Variants in SH3PXD2B observed in about 807,000 individuals in gnomAD.
SH3PXD2B encodes SH3 and PX domains 2B.
SH3PXD2B carries 37 observed loss-of-function variants against 73.1 expected under a neutral mutation model. The ratio of observed to expected loss-of-function variants is 0.51; its 90% CI spans 0.39 to 0.67. SH3PXD2B has a LOEUF of 0.67. SH3PXD2B is among the 30% of genes least tolerant of loss of function. The probability of loss-of-function intolerance (pLI) is 0.00; values close to 1 mark genes in which losing one functional copy is unlikely to be tolerated. For missense variants in SH3PXD2B, 1,053 were observed against 1,197.8 expected, an observed-to-expected ratio of 0.88 and a Z score of 1.78; for synonymous variants, 457 against 480.5, an observed-to-expected ratio of 0.95 and a Z score of 0.64.
chr5:172,327,789 C>G (rs931328111), intron 12 of SH3PXD2B, among the ~76,000 whole-genome samples: 1 of 146,890 alleles, frequency 6.8e-6, no homozygotes, highest in Admixed American at 6.8e-5. Flanking sequence ...GAGTCTTACT[C>G]TGTCACCCAG....
chr5:172,450,678 T>C (rs1759774663), intron 1 of SH3PXD2B, among the ~76,000 whole-genome samples: 3 of 152,032 alleles, frequency 2.0e-5, no homozygotes, highest in African/African-American at 4.8e-5. Context: ...GAGACACTAA[T>C]GCTTCTGTAC....
intron 5 of SH3PXD2B, among the ~76,000 whole-genome samples, chr5:172,376,335 T>A (rs540300112): frequency 1.3e-5 from 2 of 152,096 alleles, no homozygotes; most frequent in East Asian, 3.9e-4. Flanking sequence ...GGCCTATCTA[T>A]CTTCTTGATT....
rs1489229114 is a variant in SH3PXD2B at position 172,338,972 on chromosome 5, G to A, written c.2133C>T (p.Asp711=). The change falls in exon 13 of 13, where the codon GAC becomes GAT. Residue 711 remains aspartate, a synonymous_variant. Transcript: ENST00000311601. The surrounding 1 kb of genome is among the most constrained non-coding windows in gnomAD (Gnocchi z 5.1). ...LPGEGPGRAQ[D]RTGKQDGLSP... is the part of the protein sequence containing the mutation. ...TGAGACCATCCTGTTTGCCCGTCCT[G>A]TCCTGGGCGCGGCCAGGCCCCTCTC... is the stretch of plus-strand genomic sequence containing the variant. 2 of 1,614,150 alleles carry A rather than the reference G, an allele frequency of 1.2e-6. No homozygotes were observed. Among genetic ancestry groups the A allele is most frequent in the Non-Finnish European group, 1.7e-6 (2 of 1,179,990 alleles).
At chr5:172,419,125 G>C (rs531441762) in intron 2 of SH3PXD2B, among the ~76,000 whole-genome samples, 1 of 152,288 alleles carries the variant, frequency 6.6e-6, no homozygotes, top group South Asian at 2.1e-4. Flanking sequence ...ATACAGCGGT[G>C]ACCCCAAGCT....
At chr5:172,446,322 C>T (rs1263075055) in intron 1 of SH3PXD2B, among the ~76,000 whole-genome samples, 1 of 152,182 alleles carries the variant, frequency 6.6e-6, no homozygotes, top group Non-Finnish European at 1.5e-5. Flanking sequence ...CTCAATAAAC[C>T]TGTCTTCTCT....
intron 2 of SH3PXD2B, among the ~76,000 whole-genome samples, chr5:172,406,647 T>TC (rs138040618): frequency 0.011 from 1,635 of 152,236 alleles, 23 homozygotes; most frequent in African/African-American, 0.037. Context: ...TGAACAACAC[T>TC]CTCAGGGCCA....
At chr5:172,357,269 C>G (rs537725305) in intron 8 of SH3PXD2B, among the ~76,000 whole-genome samples, 1 of 151,580 alleles carries the variant, frequency 6.6e-6, no homozygotes, top group Non-Finnish European at 1.5e-5. Context: ...ACTAAAAATA[C>G]GAAAACTAGC....
chr5:172,356,119 A>G (rs1757267081), intron 8 of SH3PXD2B, among the ~76,000 whole-genome samples: 1 of 151,920 alleles, frequency 6.6e-6, no homozygotes, highest in Non-Finnish European at 1.5e-5. Flanking sequence ...GGTTTTATGG[A>G]TGGCAAGTGA....
intron 2 of SH3PXD2B, among the ~76,000 whole-genome samples, chr5:172,414,448 C>G (rs902697295): frequency 7.7e-6 from 1 of 129,314 alleles, no homozygotes; most frequent in Non-Finnish European, 1.6e-5. Flanking sequence ...CAGAGCGAGA[C>G]TCCATCTTAA....
At chr5:172,366,932 A>ATTTTT (rs1262636786) in intron 6 of SH3PXD2B, among the ~76,000 whole-genome samples, 2,773 of 74,860 alleles carry the variant, frequency 0.037, 205 homozygotes, top group South Asian at 0.14. Context: ...GTGCCCGGCC[A>ATTTTT]TTTTTTTTTT....
Position 172,335,092 on chromosome 5 carries a change from A to G in SH3PXD2B, c.*3277T>C, listed in dbSNP as rs116406895. The G allele has an allele frequency of 2.0e-3, 1,947 of 985,728 alleles. 28 individuals carry two copies. The African/African-American group carries it at 0.031, about 16-fold the overall frequency. The allele number at this position is 985,728 out of a possible 1,614,324, so 61.1% of individuals were successfully genotyped here. ...CCAATGGCAAAGAAAGATTCCGAGCAGAACATGTGAGCAAAGGCCTCTTTT... is the reference window on the plus strand; with the variant it reads ...CCAATGGCAAAGAAAGATTCCGAGCGGAACATGTGAGCAAAGGCCTCTTTT... On this transcript the variant is annotated 3_prime_UTR_variant, in exon 13 of 13. Transcript: ENST00000311601.
chr5:172,381,953 A>C, intron 5 of SH3PXD2B, 83 bp downstream of exon 5: 1 of 1,093,322 alleles, frequency 9.1e-7, no homozygotes, highest in Non-Finnish European at 1.4e-6. Context: ...TTTTGGCTGC[A>C]CTTTGCTTTA....
intron 7 of SH3PXD2B, among the ~76,000 whole-genome samples, chr5:172,361,147 ATATG>A (rs1192224382): frequency 5.9e-5 from 9 of 152,076 alleles, no homozygotes; most frequent in East Asian, 3.8e-4. Context: ...GTACAAGTAT[ATATG>A]TATGAATGAG....
intron 1 of SH3PXD2B, among the ~76,000 whole-genome samples, chr5:172,437,175 G>C (rs1170817540): frequency 6.6e-6 from 1 of 152,168 alleles, no homozygotes; most frequent in East Asian, 1.9e-4. Flanking sequence ...GGGAGAGATG[G>C]AGAGCGAGGA....
At chr5:172,386,643 GT>G (rs1442772028) in intron 4 of SH3PXD2B, among the ~76,000 whole-genome samples, 1 of 152,010 alleles carries the variant, frequency 6.6e-6, no homozygotes, top group African/African-American at 2.4e-5. Context: ...TTGTTTGCTT[GT>G]TTTTGAGACA....
In SH3PXD2B at chr5:172,385,004, T is replaced by C. The variant is rs576523065; in HGVS notation, c.310-2877A>G. Among the ~76,000 whole-genome samples, 3 of 152,318 alleles carry C rather than the reference T, an allele frequency of 2.0e-5. No individual in the cohort carries two copies. In the East Asian group the frequency reaches 5.8e-4, roughly 29 times the overall value. ...CTCTGCAGCAAATCCTTAAGGACTG[T>C]TTCCAGAGTTGAATCAGGGAGTCCC... On this transcript the variant is annotated intron_variant, in intron 4 of 12. Transcript: ENST00000311601.
intron 8 of SH3PXD2B, among the ~76,000 whole-genome samples, chr5:172,354,527 C>A (rs79896071): frequency 0.011 from 1,625 of 152,256 alleles, 14 homozygotes; most frequent in Non-Finnish European, 0.016. Context: ...AGTCAATATG[C>A]AGTAAATGAG....
rs568751309 is a variant in SH3PXD2B, at chr5:172,341,772, T to C, written c.1189-1856A>G. 2.0e-5 allele frequency among the ~76,000 whole-genome samples: 3 copies of C among 151,954 alleles called. No homozygotes were observed. In the East Asian group the frequency reaches 5.8e-4, roughly 29 times the overall value. On this transcript the variant is annotated intron_variant, in intron 12 of 12. Coordinates refer to ENST00000311601, the MANE Select transcript of SH3PXD2B (RefSeq NM_001017995.3). ...TTCACGCCATTCTCCTGCCTCAGCC[T>C]CCCAAGTAGCTGGGACTACAGGCGC...
At chr5:172,392,934 T>G (rs1372933121) in intron 4 of SH3PXD2B, among the ~76,000 whole-genome samples, 1 of 152,242 alleles carries the variant, frequency 6.6e-6, no homozygotes, top group African/African-American at 2.4e-5. Context: ...TACATGCCTA[T>G]TTTTGTCAGT....
Sources: gnomAD v4.1 joint callset for allele counts (sites outside exome capture counted in the v4.1 genomes callset) on GRCh38, gnomAD v4.1.1 for gene constraint, Gnocchi (gnomAD v3.1) non-coding constraint, MANE v1.5 for transcripts, NCBI Gene and HGNC (gene_info 2026-07-23, HGNC 2026-07-21) for gene names.